NLGN1: variants seen among roughly 807,000 people sequenced by gnomAD.
NLGN1 encodes neuroligin 1, also known as neuroligin-1.
Under a neutral mutation model 65.5 loss-of-function variants are expected in NLGN1, and 12 were observed. The ratio of observed to expected loss-of-function variants is 0.18; its 90% confidence interval spans 0.12 to 0.30. NLGN1 has a LOEUF of 0.30. Ranked by LOEUF, NLGN1 falls within the 10% of genes least tolerant of loss-of-function variation. The pLI, the probability that NLGN1 is intolerant of heterozygous loss-of-function variation, is 1.00. For synonymous variants in NLGN1, 350 were observed against 359.5 expected (o/e 0.97, Z 0.30); for missense variants, 750 against 1,007.1 (o/e 0.74, Z 3.46).
intron 3 of NLGN1, among the ~76,000 whole-genome samples, chr3:173,648,819 C>T (rs1254895375): frequency 6.6e-6 from 1 of 152,096 alleles, no homozygotes; most frequent in African/African-American, 2.4e-5. Flanking sequence ...AGGTGATCCA[C>T]CCACCTTGGC....
intron 4 of NLGN1, among the ~76,000 whole-genome samples, chr3:174,191,783 TTTTGTTTG>T (rs139387413): frequency 1.6e-4 from 24 of 151,788 alleles, no homozygotes; most frequent in Admixed American, 4.6e-4. Context: ...TTTCAGGTTG[TTTTGTTTG>T]TTTGTTTGTT....
chr3:174,143,689 AGTCTAT>A (rs1449059828), intron 4 of NLGN1, among the ~76,000 whole-genome samples: 2 of 152,198 alleles, frequency 1.3e-5, no homozygotes, highest in Non-Finnish European at 2.9e-5. Context: ...ACAGAGAAAT[AGTCTAT>A]GTATAAAATT....
At chr3:173,829,141 G>A (rs1000182174) in intron 4 of NLGN1, among the ~76,000 whole-genome samples, 10 of 152,060 alleles carry the variant, frequency 6.6e-5, no homozygotes, top group Non-Finnish European at 1.3e-4. Flanking sequence ...CGTGGAAGCA[G>A]TGAGAAGTAG....
At chr3:173,623,100 A>G (rs1754267839) in intron 3 of NLGN1, among the ~76,000 whole-genome samples, 1 of 152,042 alleles carries the variant, frequency 6.6e-6, no homozygotes, top group Admixed American at 6.6e-5. Flanking sequence ...TTTTTTTCAT[A>G]ATCATTCGAC....
At chr3:173,976,334 G>A (rs935494005) in intron 4 of NLGN1, among the ~76,000 whole-genome samples, 2 of 152,056 alleles carry the variant, frequency 1.3e-5, no homozygotes, top group African/African-American at 4.8e-5. Flanking sequence ...ATACCCTGGG[G>A]AGTACAACAA....
chr3:174,265,154 A>T (rs976953404), intron 4 of NLGN1, among the ~76,000 whole-genome samples: 6 of 151,740 alleles, frequency 4.0e-5, no homozygotes, highest in African/African-American at 1.5e-4. Context: ...CCCTGCCCCC[A>T]GAGGTGGAGC....
intron 1 of NLGN1, among the ~76,000 whole-genome samples, chr3:173,422,279 A>G (rs1408773285): frequency 6.6e-6 from 1 of 152,182 alleles, no homozygotes; most frequent in Non-Finnish European, 1.5e-5. Flanking sequence ...ACAGAAAGAC[A>G]AATATCACAT....
In NLGN1 at chr3:174,279,614, T is replaced by C; in HGVS notation, c.1613T>C (p.Val538Ala). Residue 538 changes from valine (V) to alanine (A), a missense_variant, in exon 6 of 7, where the codon GTT (valine) becomes GCT (alanine). By Grantham distance (64) the Val-to-Ala change is moderately conservative. Transcript: ENST00000457714. This position sits in a 1 kb window ranked among gnomAD's most constrained non-coding sequence, Gnocchi z 4.7. ...AAAAATGATGTGATGCTGAGTGCAG[T>C]TGTAATGACATACTGGACAAATTTT... 1 of 1,612,022 alleles carries C rather than the reference T, an allele frequency of 6.2e-7. No individual in the cohort carries two copies. The highest frequency in any genetic ancestry group is 8.5e-7 in the Non-Finnish European group (1 of 1,178,572).
At chr3:173,415,400 G>A (rs686535) in intron 1 of NLGN1, among the ~76,000 whole-genome samples, 48,735 of 151,768 alleles carry the variant, frequency 0.32, 8,723 homozygotes, top group African/African-American at 0.49. Flanking sequence ...CTCAACAAGC[G>A]GTTTAGCGGT....
At chr3:173,572,245 G>A (rs1002241763) in intron 2 of NLGN1, among the ~76,000 whole-genome samples, 1 of 152,168 alleles carries the variant, frequency 6.6e-6, no homozygotes, top group African/African-American at 2.4e-5. Flanking sequence ...TCTTGAAGGA[G>A]GGGACCAAAT....
intron 4 of NLGN1, among the ~76,000 whole-genome samples, chr3:174,259,733 T>C (rs1746488578): frequency 6.6e-6 from 1 of 151,862 alleles, no homozygotes; most frequent in Non-Finnish European, 1.5e-5. Context: ...GTGCACATTG[T>C]GCAGGTTAGT....
intron 4 of NLGN1, among the ~76,000 whole-genome samples, chr3:173,820,203 A>AC (rs1719995627): frequency 6.9e-6 from 1 of 144,872 alleles, no homozygotes. Flanking sequence ...AAAAAAAAAA[A>AC]CGAGAAAGAG....
At chr3:173,528,218 T>C (rs1481478600) in intron 2 of NLGN1, among the ~76,000 whole-genome samples, 1 of 152,204 alleles carries the variant, frequency 6.6e-6, no homozygotes, top group Non-Finnish European at 1.5e-5. Context: ...TTATGAAGCT[T>C]AGTCTGGCAG....
chr3:174,028,188 C>T (rs955411469), intron 4 of NLGN1, among the ~76,000 whole-genome samples: 3 of 152,122 alleles, frequency 2.0e-5, no homozygotes, highest in African/African-American at 7.2e-5. Flanking sequence ...TGGGGTGCTG[C>T]TGCAAAAATG....
chr3:173,945,595 A>C (rs1021801595), intron 4 of NLGN1, among the ~76,000 whole-genome samples: 11 of 152,186 alleles, frequency 7.2e-5, no homozygotes, highest in Non-Finnish European at 1.3e-4. Flanking sequence ...CATATTTTCA[A>C]TGCCAGTGAA....
At chr3:174,194,733 TA>T in intron 4 of NLGN1, among the ~76,000 whole-genome samples, 1 of 150,504 alleles carries the variant, frequency 6.6e-6, no homozygotes, top group East Asian at 1.9e-4. Context: ...GATATAACAT[TA>T]TCTTTTAGAC....
At chr3:173,410,302 G>T (rs571396060) in intron 1 of NLGN1, among the ~76,000 whole-genome samples, 4 of 152,270 alleles carry the variant, frequency 2.6e-5, no homozygotes, top group African/African-American at 7.2e-5. Context: ...ATTATCATGA[G>T]AACCCTCCAT....
chr3:174,283,123 T>TAAAACAAGA (rs1553991778), exon 7 of NLGN1: 3 of 150,518 alleles, frequency 2.0e-5, no homozygotes, highest in Non-Finnish European at 4.5e-5. Flanking sequence ...TTCTTTTTTC[T>TAAAACAAGA]AAAAAAAGAA....
chr3:173,568,645 TAGCTTC>T (rs1744124026), intron 2 of NLGN1, among the ~76,000 whole-genome samples: 1 of 152,074 alleles, frequency 6.6e-6, no homozygotes, highest in South Asian at 2.1e-4. Context: ...AAAATCAAGT[TAGCTTC>T]AGGAGGGAAA....
Sources: gnomAD v4.1 joint callset for allele counts (sites outside exome capture counted in the v4.1 genomes callset) on GRCh38, gnomAD v4.1.1 for gene constraint, Gnocchi (gnomAD v3.1) non-coding constraint, MANE v1.5 for transcripts, NCBI Gene and HGNC (gene_info 2026-07-23, HGNC 2026-07-21) for gene names.